STOX2: variants seen among roughly 807,000 people sequenced by gnomAD.
STOX2 encodes storkhead-box protein 2.
A neutral mutation model predicts 60.9 loss-of-function variants in STOX2; 28 were observed. That is an observed-to-expected ratio of 0.46 (90% confidence interval 0.34 to 0.63). The LOEUF (loss-of-function observed/expected upper bound fraction) is 0.63, where lower values mean the gene tolerates loss of function less well. Ranked by LOEUF, STOX2 falls within the 30% of genes least tolerant of loss-of-function variation. The pLI, the probability that STOX2 is intolerant of heterozygous loss-of-function variation, is 0.01. For synonymous variants in STOX2, 472 were observed against 463.9 expected, an observed-to-expected ratio of 1.02 and a Z score of -0.22; for missense variants, 1,024 against 1,187.7, an observed-to-expected ratio of 0.86 and a Z score of 2.03.
chr4:183,987,432 A>T (rs1732894478), intron 1 of STOX2, among the ~76,000 whole-genome samples: 1 of 152,154 alleles, frequency 6.6e-6, no homozygotes, highest in Admixed American at 6.5e-5. Context: ...TGGCACCCGT[A>T]GTGCAATGAA....
chr4:183,846,131 T>A (rs966379154), intron 1 of STOX2, among the ~76,000 whole-genome samples: 17 of 152,238 alleles, frequency 1.1e-4, no homozygotes, highest in African/African-American at 4.1e-4. Flanking sequence ...GTCATCCTAT[T>A]GCCTTCTGGC....
intron 1 of STOX2, among the ~76,000 whole-genome samples, chr4:183,871,650 ATG>A (rs1312954795): frequency 6.6e-6 from 1 of 151,668 alleles, no homozygotes; most frequent in African/African-American, 2.4e-5. Flanking sequence ...AGCAAAACAT[ATG>A]AAGTTTATTT....
At chr4:183,995,614 G>A (rs981640317) in intron 1 of STOX2, among the ~76,000 whole-genome samples, 3 of 152,182 alleles carry the variant, frequency 2.0e-5, no homozygotes, top group Admixed American at 1.3e-4. Flanking sequence ...CCTGTTGTCC[G>A]TTGTGCGAGT....
At chr4:183,946,461 G>A (rs756561209) in intron 1 of STOX2, among the ~76,000 whole-genome samples, 1 of 152,108 alleles carries the variant, frequency 6.6e-6, no homozygotes, top group African/African-American at 2.4e-5. Context: ...GGATGCTCAA[G>A]TTCCTAGTAT....
intron 1 of STOX2, among the ~76,000 whole-genome samples, chr4:183,818,321 G>C (rs927413595): frequency 1.3e-5 from 2 of 152,008 alleles, no homozygotes; most frequent in Non-Finnish European, 2.9e-5. Context: ...CTGCCTTCAA[G>C]CATCTGTTTA....
At chr4:183,846,132 G>A (rs1739984715) in intron 1 of STOX2, among the ~76,000 whole-genome samples, 1 of 152,132 alleles carries the variant, frequency 6.6e-6, no homozygotes, top group Non-Finnish European at 1.5e-5. Flanking sequence ...TCATCCTATT[G>A]CCTTCTGGCC....
At chr4:183,853,064 C>T (rs1045583414) in intron 1 of STOX2, among the ~76,000 whole-genome samples, 16 of 152,158 alleles carry the variant, frequency 1.1e-4, no homozygotes, top group East Asian at 1.9e-4. Context: ...GTGGGACTTA[C>T]GGTCACCCTA....
At chr4:183,939,208 C>T (rs1320646554) in intron 1 of STOX2, among the ~76,000 whole-genome samples, 1 of 152,160 alleles carries the variant, frequency 6.6e-6, no homozygotes, top group Non-Finnish European at 1.5e-5. Context: ...GCTAACAACC[C>T]CTGAAGTGTA....
At chr4:183,936,976 G>A (rs1742606986) in intron 1 of STOX2, among the ~76,000 whole-genome samples, 1 of 152,214 alleles carries the variant, frequency 6.6e-6, no homozygotes, top group African/African-American at 2.4e-5. Flanking sequence ...TCATTATAAA[G>A]ACATTATCTT....
chr4:184,005,474 A>AC (rs377410707), intron 2 of STOX2, among the ~76,000 whole-genome samples: 1 of 120,072 alleles, frequency 8.3e-6, no homozygotes, highest in Non-Finnish European at 1.7e-5. Context: ...AAAAAAAAAA[A>AC]AATTCATAGG....
At position 183,919,864 on chromosome 4, in the gene STOX2, A is replaced by G. The variant is rs149205863; in HGVS notation, c.166+12908A>G. 6.0e-3 allele frequency among the ~76,000 whole-genome samples: 904 copies of G among 151,694 alleles called. 10 individuals carry two copies. The highest frequency in any genetic ancestry group is 0.021 in the African/African-American group (858 of 41,412). On this transcript the variant is annotated intron_variant, in intron 1 of 3. Coordinates refer to ENST00000308497, the MANE Select transcript of STOX2 (RefSeq NM_020225.3). ...AGGAGTCCTCCTGCCTTGGCCTCCC[A>G]GTGTGCTGGGATTATGGACATGAGC...
intron 1 of STOX2, among the ~76,000 whole-genome samples, chr4:183,978,313 A>C (rs1732520116): frequency 1.3e-5 from 2 of 152,172 alleles, no homozygotes; most frequent in Admixed American, 1.3e-4. Flanking sequence ...ATTCTTCTAC[A>C]TATTGGCTTT....
At chr4:183,851,449 GGATGAGAGAAACGATGAGAGAAAC>G (rs1233354585) in intron 1 of STOX2, among the ~76,000 whole-genome samples, 1 of 49,786 alleles carries the variant, frequency 2.0e-5, no homozygotes, top group African/African-American at 9.6e-5. Flanking sequence ...ATGAGGGAAA[GGATGAGAGAAACGATGAGAGAAAC>G]GATGAGGGAA....
At chr4:183,817,994 G>A (rs75228653) in intron 1 of STOX2, among the ~76,000 whole-genome samples, 3,419 of 151,784 alleles carry the variant, frequency 0.023, 124 homozygotes, top group African/African-American at 0.078. Flanking sequence ...TACTTTCGGT[G>A]AGCAAGCACC....
At chr4:183,953,041 G>T (rs1048806448) in intron 1 of STOX2, among the ~76,000 whole-genome samples, 1 of 152,146 alleles carries the variant, frequency 6.6e-6, no homozygotes, top group Non-Finnish European at 1.5e-5. Flanking sequence ...CCTGTCAGAG[G>T]GTGGGAGGCT....
At chr4:183,958,031 G>T (rs1251604544) in intron 1 of STOX2, among the ~76,000 whole-genome samples, 1 of 151,442 alleles carries the variant, frequency 6.6e-6, no homozygotes, top group Non-Finnish European at 1.5e-5. Context: ...CGTGAATGAG[G>T]CACCCTGGTT....
chr4:183,937,766 AT>A (rs1742628233), intron 1 of STOX2, among the ~76,000 whole-genome samples: 1 of 152,236 alleles, frequency 6.6e-6, no homozygotes, highest in Non-Finnish European at 1.5e-5. Context: ...ATGATGTACC[AT>A]TAACTAACTT....
chr4:183,883,537 C>A (rs190579072), intron 1 of STOX2, among the ~76,000 whole-genome samples: 383 of 152,128 alleles, frequency 2.5e-3, no homozygotes, highest in African/African-American at 8.7e-3. Flanking sequence ...AGGATGGTCT[C>A]GATCTCCTGA....
chr4:183,808,104 C>T (rs534267805), intron 1 of STOX2, among the ~76,000 whole-genome samples: 1 of 152,342 alleles, frequency 6.6e-6, no homozygotes, highest in South Asian at 2.1e-4. Flanking sequence ...CTTTTTAAAT[C>T]TCTGTTCTCT....
Sources: gnomAD v4.1 joint callset for allele counts (sites outside exome capture counted in the v4.1 genomes callset) on GRCh38, gnomAD v4.1.1 for gene constraint, MANE v1.5 for transcripts, NCBI Gene and HGNC (gene_info 2026-07-23, HGNC 2026-07-21) for gene names.